The following LRP1B variants were observed in gnomAD, a reference collection of about 807,000 sequenced individuals.
LRP1B encodes the protein low-density lipoprotein receptor-related protein 1B.
Under a neutral mutation model 556.6 loss-of-function variants are expected in LRP1B, and 217 were observed. The ratio of observed to expected loss-of-function variants is 0.39; its 90% CI spans 0.35 to 0.44. The LOEUF is 0.44. LRP1B is among the 20% of genes least tolerant of loss of function. The pLI, the probability that LRP1B is intolerant of heterozygous loss-of-function variation, is 1.00. For synonymous variants in LRP1B, 2,047 were observed against 1,865.8 expected (o/e 1.10, Z -2.50); for missense variants, 5,053 against 5,620.8 (o/e 0.90, Z 3.23).
At chr2:140,474,083 GTTC>G in intron 60 of LRP1B, among the ~76,000 whole-genome samples, 1 of 152,026 alleles carries the variant, frequency 6.6e-6, no homozygotes, top group South Asian at 2.1e-4. Context: ...GTATTACAAT[GTTC>G]TTACCCTTAA....
Position 140,883,903 on chromosome 2 carries a change from C to T in LRP1B, c.4083G>A (p.Val1361=). The change falls in exon 25 of 91, where the codon GTG becomes GTA. Residue 1361 remains valine (V), a synonymous_variant. Transcript: ENST00000389484. ...TTCTTAGGGAGCCATCTAGTTTGGC[C>T]ACTTCGATTTGGTCCAGATTGCTGT... ...WIDSNLDQIE[V]AKLDGSLRTT... The T allele has an allele frequency of 1.2e-6, 2 of 1,613,634 alleles. No homozygotes were observed. The highest frequency in any genetic ancestry group is 1.7e-6 in the Non-Finnish European group (2 of 1,179,866).
intron 32 of LRP1B, among the ~76,000 whole-genome samples, chr2:140,805,256 GTATAA>G (rs1191197110): frequency 1.4e-4 from 21 of 152,088 alleles, no homozygotes; most frequent in Non-Finnish European, 2.1e-4. Context: ...CAGGTCAATA[GTATAA>G]TATATTAAAA....
intron 11 of LRP1B, among the ~76,000 whole-genome samples, chr2:141,037,259 A>C (rs1698560625): frequency 6.6e-6 from 1 of 152,078 alleles, no homozygotes; most frequent in Admixed American, 6.6e-5. Flanking sequence ...ATTATAACAA[A>C]AACAAAACCC....
chr2:140,861,583 C>CT (rs1312465671), intron 27 of LRP1B, among the ~76,000 whole-genome samples: 18 of 152,142 alleles, frequency 1.2e-4, no homozygotes, highest in Non-Finnish European at 1.5e-5. Flanking sequence ...CTAGACTAAG[C>CT]TGATTGCTAT....
intron 27 of LRP1B, among the ~76,000 whole-genome samples, chr2:140,865,752 A>G (rs1015733213): frequency 1.1e-4 from 17 of 152,118 alleles, no homozygotes; most frequent in African/African-American, 4.1e-4. Context: ...AAAATATGTT[A>G]AATTACATCC....
chr2:141,821,639 G>A (rs1696756436), intron 1 of LRP1B, among the ~76,000 whole-genome samples: 1 of 152,036 alleles, frequency 6.6e-6, no homozygotes, highest in Non-Finnish European at 1.5e-5. Flanking sequence ...TTATTCTTGG[G>A]AGATGGAAAA....
intron 16 of LRP1B, among the ~76,000 whole-genome samples, chr2:140,991,544 G>T (rs996543679): frequency 2.6e-5 from 4 of 152,026 alleles, no homozygotes; most frequent in Non-Finnish European, 4.4e-5. Flanking sequence ...ACTCATCCAT[G>T]TGCCAGGCAC....
intron 2 of LRP1B, among the ~76,000 whole-genome samples, chr2:141,482,082 T>A (rs1198452125): frequency 6.6e-6 from 1 of 152,066 alleles, no homozygotes; most frequent in Non-Finnish European, 1.5e-5. Context: ...TATTTTAGGA[T>A]ATGCAAAATT....
chr2:141,035,636 C>T (rs1242128082), intron 11 of LRP1B, among the ~76,000 whole-genome samples: 1 of 151,966 alleles, frequency 6.6e-6, no homozygotes, highest in Non-Finnish European at 1.5e-5. Context: ...TACCTTTAAT[C>T]ATATCATCCT....
chr2:140,599,759 A>C (rs920052990), intron 42 of LRP1B, among the ~76,000 whole-genome samples: 4 of 152,096 alleles, frequency 2.6e-5, no homozygotes, highest in African/African-American at 9.7e-5. Flanking sequence ...AGAATTTTAG[A>C]GGTGTTAGTG....
At chr2:141,990,521 A>T (rs1702313371) in intron 1 of LRP1B, among the ~76,000 whole-genome samples, 1 of 151,996 alleles carries the variant, frequency 6.6e-6, no homozygotes, top group African/African-American at 2.4e-5. Flanking sequence ...AAGTTTTTTT[A>T]CAACATATAA....
At chr2:140,673,498 T>A (rs923384910) in intron 41 of LRP1B, among the ~76,000 whole-genome samples, 1 of 152,202 alleles carries the variant, frequency 6.6e-6, no homozygotes, top group Admixed American at 6.5e-5. Flanking sequence ...TTTTCCACCA[T>A]GCTCTTTACT....
intron 3 of LRP1B, among the ~76,000 whole-genome samples, chr2:141,441,703 C>T (rs1680979285): frequency 6.6e-6 from 1 of 152,136 alleles, no homozygotes; most frequent in South Asian, 2.1e-4. Flanking sequence ...TACCCAGGAA[C>T]ACTTCAAGAG....
At chr2:141,402,242 T>C (rs1048078875) in intron 3 of LRP1B, among the ~76,000 whole-genome samples, 1 of 152,118 alleles carries the variant, frequency 6.6e-6, no homozygotes, top group African/African-American at 2.4e-5. Context: ...AGTTGTAGTT[T>C]TCCCCTCCCA....
At chr2:140,319,146 C>T (rs1367662804) in intron 82 of LRP1B, among the ~76,000 whole-genome samples, 1 of 151,130 alleles carries the variant, frequency 6.6e-6, no homozygotes, top group Non-Finnish European at 1.5e-5. Context: ...TTGGACCAAA[C>T]AAAGAGGAAA....
Position 141,627,610 on chromosome 2 carries a change from C to T in LRP1B, c.206-147077G>A, listed in dbSNP as rs1444364535. On this transcript the variant is annotated intron_variant, in intron 2 of 90. Transcript: ENST00000389484. The stretch of plus-strand genomic sequence containing the variant: ...TGCTAAGGATCTAGGTTGCATACTC[C>T]TTATGAGAATCTGATGATAAATATA... Among the ~76,000 whole-genome samples, 3 of 152,268 alleles carry T rather than the reference C, an allele frequency of 2.0e-5. No homozygotes were observed. In the South Asian group the frequency reaches 6.2e-4, roughly 32 times the overall value.
At chr2:142,036,648 A>T (rs769549241) in intron 1 of LRP1B, among the ~76,000 whole-genome samples, 40 of 151,584 alleles carry the variant, frequency 2.6e-4, no homozygotes, top group Non-Finnish European at 4.4e-4. Context: ...TATACATTGC[A>T]TTTTTTTGAC....
chr2:140,850,146 C>T lies in LRP1B; in HGVS notation c.4895G>A (p.Arg1632Gln), dbSNP rs777763232. 6.2e-7 allele frequency: 1 copy of T among 1,613,516 alleles called. No homozygotes were observed. Among genetic ancestry groups the T allele is most frequent in the Non-Finnish European group, 8.5e-7 (1 of 1,179,682 alleles). Residue 1632 changes from arginine to glutamine, a missense_variant, in exon 29 of 91, where the codon CGA (arginine) becomes CAA (glutamine). By Grantham distance (43) the Arg-to-Gln change is conservative. Transcript: ENST00000389484. Reference protein sequence around the residue: ...WTDIKTQTIKRAFINGTGLET... With the variant: ...WTDIKTQTIKQAFINGTGLET... Reference sequence around the variant, plus strand: ...TAACCCAGTTCCGTTAATAAAAGCTCGTTTAATGGTTTGTGTTTTAATATC... The same window carrying T: ...TAACCCAGTTCCGTTAATAAAAGCTTGTTTAATGGTTTGTGTTTTAATATC...
intron 83 of LRP1B, among the ~76,000 whole-genome samples, chr2:140,307,643 A>C (rs1315122257): frequency 6.6e-6 from 1 of 151,904 alleles, no homozygotes; most frequent in Non-Finnish European, 1.5e-5. Context: ...TTAAAGGAGC[A>C]TTAAATTTAT....
Sources: allele counts gnomAD v4.1 joint callset (sites outside exome capture counted in the v4.1 genomes callset), GRCh38; gene constraint gnomAD v4.1.1; transcripts MANE v1.5; gene names NCBI Gene and HGNC (gene_info 2026-07-23, HGNC 2026-07-21).